Variants in PFKFB3 observed in about 807,000 individuals in gnomAD.
PFKFB3 encodes the protein 6-phosphofructo-2-kinase/fructose-2,6-biphosphatase 3.
In PFKFB3, 33 loss-of-function variants were observed where a neutral mutation model predicts 68.0. That is an observed-to-expected ratio of 0.49 (90% confidence interval 0.37 to 0.65). The LOEUF is 0.65. PFKFB3 is among the 30% of genes least tolerant of loss of function. The pLI is 0.00. For synonymous variants in PFKFB3, 315 were observed against 288.2 expected, an observed-to-expected ratio of 1.09 and a Z score of -0.94; for missense variants, 586 against 712.2, an observed-to-expected ratio of 0.82 and a Z score of 2.02.
chr10:6,147,758 GCCTGACGGGGTGGTCCATACAGGGGA>G (rs1209746021), intron 1 of PFKFB3, among the ~76,000 whole-genome samples: 37 of 151,736 alleles, frequency 2.4e-4, no homozygotes, highest in African/African-American at 3.9e-4. Flanking sequence ...GGGCCGGGGA[GCCTGACGGGGTGGTCCATACAGGGGA>G]CCTGACGGGG....
intron 1 of PFKFB3, among the ~76,000 whole-genome samples, chr10:6,177,509 C>G (rs1842562255): frequency 1.4e-5 from 1 of 70,906 alleles, no homozygotes; most frequent in Non-Finnish European, 3.4e-5. Context: ...CTCTCTCTCG[C>G]TCTCTCTTTC....
At chr10:6,296,689 CGT>C in the PFKFB3 span, among the ~76,000 whole-genome samples, 1 of 152,184 alleles carries the variant, frequency 6.6e-6, no homozygotes, top group East Asian at 1.9e-4. Flanking sequence ...TGTAAACTGT[CGT>C]GGTGCTGGTG....
chr10:6,164,284 G>A (rs1176551995), intron 1 of PFKFB3, among the ~76,000 whole-genome samples: 2 of 152,204 alleles, frequency 1.3e-5, no homozygotes, highest in African/African-American at 2.4e-5. Flanking sequence ...GACTCCCTGA[G>A]GACCTCGTAT....
chr10:6,189,528 T>G (rs960018671), intron 1 of PFKFB3, among the ~76,000 whole-genome samples: 1 of 151,004 alleles, frequency 6.6e-6, no homozygotes, highest in Non-Finnish European at 1.5e-5. Context: ...TTTTTTTTTT[T>G]TTTTGGGAGA....
At chr10:6,186,371 A>T (rs773289614) in intron 1 of PFKFB3, among the ~76,000 whole-genome samples, 3 of 152,166 alleles carry the variant, frequency 2.0e-5, no homozygotes, top group Non-Finnish European at 2.9e-5. Context: ...AATGGAAAAT[A>T]ACTTTTTCTG....
At chr10:6,207,831 G>A (rs1445747390) in intron 1 of PFKFB3, among the ~76,000 whole-genome samples, 1 of 152,164 alleles carries the variant, frequency 6.6e-6, no homozygotes, top group East Asian at 1.9e-4. Flanking sequence ...TTGTGAGTCA[G>A]CATAATGGTC....
the PFKFB3 span, among the ~76,000 whole-genome samples, chr10:6,272,468 C>T: frequency 2.6e-5 from 4 of 152,014 alleles, no homozygotes; most frequent in African/African-American, 9.7e-5. Flanking sequence ...CCGAGGCGGG[C>T]GGATCACCTG....
intron 14 of PFKFB3, among the ~76,000 whole-genome samples, chr10:6,243,488 G>A (rs1846185749): frequency 6.6e-6 from 1 of 152,180 alleles, no homozygotes; most frequent in African/African-American, 2.4e-5. Context: ...AAGGGAACTG[G>A]GACACGACCC....
At chr10:6,273,001 GC>G in the PFKFB3 span, among the ~76,000 whole-genome samples, 21 of 122,382 alleles carry the variant, frequency 1.7e-4, no homozygotes, top group African/African-American at 5.6e-4. Context: ...GAGATTGCAG[GC>G]TTTTTTTTTT....
At chr10:6,161,021 C>T (rs769298405) in intron 1 of PFKFB3, among the ~76,000 whole-genome samples, 81 of 152,052 alleles carry the variant, frequency 5.3e-4, no homozygotes, top group South Asian at 1.0e-3. Context: ...CTGCAACCTC[C>T]GCTTCTCGGG....
the PFKFB3 span, among the ~76,000 whole-genome samples, chr10:6,316,487 T>C: frequency 6.6e-6 from 1 of 152,122 alleles, no homozygotes; most frequent in Non-Finnish European, 1.5e-5. Flanking sequence ...TTTTCTTTCC[T>C]TTTCTTTTTT....
intron 14 of PFKFB3, among the ~76,000 whole-genome samples, chr10:6,247,742 G>A (rs1316010957): frequency 6.6e-6 from 1 of 152,206 alleles, no homozygotes; most frequent in East Asian, 1.9e-4. Flanking sequence ...CGTCTTGACA[G>A]GGGTGTCTCA....
chr10:6,292,168 G>A, the PFKFB3 span, among the ~76,000 whole-genome samples: 2 of 149,898 alleles, frequency 1.3e-5, no homozygotes, highest in Non-Finnish European at 3.0e-5. Context: ...TGGCCAGGCT[G>A]GTCTCGAACT....
the PFKFB3 span, among the ~76,000 whole-genome samples, chr10:6,296,862 GC>G: frequency 8.6e-4 from 131 of 152,276 alleles, 1 homozygote; most frequent in South Asian, 2.1e-3. Flanking sequence ...TGTATCTTGT[GC>G]CGACTTCCTA....
At chr10:6,252,150 A>G (rs1393868277) in intron 14 of PFKFB3, among the ~76,000 whole-genome samples, 2 of 151,884 alleles carry the variant, frequency 1.3e-5, no homozygotes, top group Admixed American at 6.6e-5. Flanking sequence ...CAGAAGTAAA[A>G]CTCTTTGGCT....
the PFKFB3 span, among the ~76,000 whole-genome samples, chr10:6,298,677 A>C: frequency 6.6e-6 from 1 of 152,038 alleles, no homozygotes. Flanking sequence ...TGTTCAGTGC[A>C]TTTTCAGGGC....
rs1841710203 is a variant in PFKFB3 at position 6,154,651 on chromosome 10, T to G, written c.16+9638T>G. On this transcript the variant is annotated intron_variant, in intron 1 of 14. Coordinates refer to the PFKFB3 transcript ENST00000379789. The surrounding 1 kb of genome is among the most constrained non-coding windows in gnomAD (Gnocchi z 4.6). ...GGAGGCAGGAGACCAGGTGGGAGTCTCTGGGCCTGCTGCAGGTGGCTGCGA... is the reference window on the plus strand; with the variant it reads ...GGAGGCAGGAGACCAGGTGGGAGTCGCTGGGCCTGCTGCAGGTGGCTGCGA... 6.6e-6 allele frequency among the ~76,000 whole-genome samples: 1 copy of G among 152,120 alleles called. No homozygotes were observed. Among genetic ancestry groups the G allele is most frequent in the Admixed American group, 6.6e-5 (1 of 15,256 alleles).
downstream of PFKFB3, among the ~76,000 whole-genome samples, chr10:6,257,462 T>C (rs1846503639): frequency 6.6e-6 from 1 of 152,196 alleles, no homozygotes; most frequent in African/African-American, 2.4e-5. Context: ...TTTTAAATCA[T>C]GACGATGGGA....
At chr10:6,198,786 C>T (rs181518602), upstream of PFKFB3, among the ~76,000 whole-genome samples, 2 of 152,358 alleles carry the variant, frequency 1.3e-5, no homozygotes, top group Admixed American at 1.3e-4. Context: ...CCTGGCCTCT[C>T]CATGTCTTTT....
Sources: allele counts gnomAD v4.1 joint callset (sites outside exome capture counted in the v4.1 genomes callset), GRCh38; gene constraint gnomAD v4.1.1; non-coding constraint Gnocchi (gnomAD v3.1); transcripts MANE v1.5; gene names NCBI Gene and HGNC (gene_info 2026-07-23, HGNC 2026-07-21).